The following DEUP1 variants were observed in gnomAD, a reference collection of about 807,000 sequenced individuals.
DEUP1 encodes deuterosome assembly protein 1, also known as coiled-coil domain containing 67.
Under a neutral mutation model 87.4 loss-of-function variants are expected in DEUP1, and 82 were observed. The ratio of observed to expected loss-of-function variants is 0.94; its 90% CI spans 0.78 to 1.13. DEUP1 has a LOEUF of 1.13. Ranked by LOEUF, DEUP1 falls within the 50% of genes most tolerant of loss-of-function variation. The pLI is 0.00. For missense variants in DEUP1, 663 were observed against 681.5 expected, an observed-to-expected ratio of 0.97 and a Z score of 0.30; for synonymous variants, 214 against 222.7, an observed-to-expected ratio of 0.96 and a Z score of 0.35.
chr11:93,343,760 C>T (rs943160913), intron 2 of DEUP1, among the ~76,000 whole-genome samples: 4 of 152,244 alleles, frequency 2.6e-5, no homozygotes, highest in African/African-American at 4.8e-5. Context: ...GAGGCTATGG[C>T]GTTGTACTTT....
At chr11:93,350,364 G>A (rs1944566257) in intron 2 of DEUP1, among the ~76,000 whole-genome samples, 1 of 152,014 alleles carries the variant, frequency 6.6e-6, no homozygotes. Context: ...TGGTCTCAGT[G>A]GAATCATTGA....
intron 2 of DEUP1, among the ~76,000 whole-genome samples, chr11:93,346,972 A>C (rs1944379822): frequency 6.6e-6 from 1 of 152,106 alleles, no homozygotes; most frequent in Non-Finnish European, 1.5e-5. Context: ...TAGATATAGG[A>C]TCATGTCATC....
chr11:93,357,142 T>A, intron 4 of DEUP1, 99 bp downstream of exon 4: 4 of 702,104 alleles, frequency 5.7e-6, no homozygotes, highest in Non-Finnish European at 9.4e-6. Flanking sequence ...TATAAACAAA[T>A]GTCTTGTATT....
At chr11:93,356,020 A>G (rs889261783) in intron 3 of DEUP1, among the ~76,000 whole-genome samples, 1 of 152,176 alleles carries the variant, frequency 6.6e-6, no homozygotes, top group Non-Finnish European at 1.5e-5. Context: ...CACCCACTTA[A>G]GAGGAGTTCC....
intron 10 of DEUP1, among the ~76,000 whole-genome samples, chr11:93,395,912 CT>C (rs1257438520): frequency 2.6e-5 from 4 of 152,128 alleles, no homozygotes; most frequent in African/African-American, 9.7e-5. Flanking sequence ...CTCAAACATG[CT>C]TTTAACATGT....
At chr11:93,433,422 A>G (rs1198621510) in intron 13 of DEUP1, among the ~76,000 whole-genome samples, 2 of 152,140 alleles carry the variant, frequency 1.3e-5, no homozygotes, top group African/African-American at 4.8e-5. Context: ...AGGAGGCTGA[A>G]GTGGGAGGAT....
intron 4 of DEUP1, among the ~76,000 whole-genome samples, chr11:93,358,716 G>A (rs11020280): frequency 0.23 from 35,425 of 151,980 alleles, 4,533 homozygotes; most frequent in South Asian, 0.38. Context: ...CCAAATAGCT[G>A]GGATTACAGG....
At chr11:93,400,436 T>C (rs1165152100) in intron 11 of DEUP1, among the ~76,000 whole-genome samples, 1 of 143,706 alleles carries the variant, frequency 7.0e-6, no homozygotes, top group Non-Finnish European at 1.6e-5. Flanking sequence ...GTCTTCTTCC[T>C]GTGCTTCTTC....
At chr11:93,332,165 G>A in intron 1 of DEUP1, 51 bp from the exon 2 acceptor site, 1 of 1,254,846 alleles carries the variant, frequency 8.0e-7, no homozygotes, top group East Asian at 2.6e-5. Context: ...ATGTTTTATA[G>A]GTTAAAGAAT....
In DEUP1 at chr11:93,332,246, A is replaced by G; in HGVS notation, c.-14A>G. 1 of 1,605,524 alleles carries G rather than the reference A, an allele frequency of 6.2e-7. No homozygotes were observed. Among genetic ancestry groups the G allele is most frequent in the Non-Finnish European group, 8.5e-7 (1 of 1,174,756 alleles). Reference sequence around the variant, plus strand: ...AAATCAAGAAATATAAACCAGATGTAGCAGTTTCTTGACATGGAGAACCAA... The same window carrying G: ...AAATCAAGAAATATAAACCAGATGTGGCAGTTTCTTGACATGGAGAACCAA... On this transcript the variant is annotated 5_prime_UTR_variant, in exon 2 of 14. An upstream open reading frame in the 5' UTR loses its in-frame stop. Coordinates refer to ENST00000298050, the MANE Select transcript of DEUP1 (RefSeq NM_181645.4).
intron 8 of DEUP1, 94 bp downstream of exon 8, chr11:93,385,637 G>C (rs1946507986): frequency 9.5e-6 from 9 of 951,078 alleles, no homozygotes; most frequent in Admixed American, 3.2e-5. Context: ...AGAATATAAA[G>C]TCTATTTTGT....
intron 2 of DEUP1, among the ~76,000 whole-genome samples, chr11:93,342,065 C>T (rs538345856): frequency 4.6e-5 from 7 of 152,290 alleles, no homozygotes; most frequent in African/African-American, 1.2e-4. Context: ...TCTTAACTTA[C>T]GTGAACCTCT....
At chr11:93,374,206 G>A (rs982518669) in intron 7 of DEUP1, among the ~76,000 whole-genome samples, 9 of 152,120 alleles carry the variant, frequency 5.9e-5, no homozygotes, top group African/African-American at 2.2e-4. Context: ...TGCATAGTTT[G>A]TGAAGATTTT....
At chr11:93,401,803 C>T (rs1022266403) in intron 11 of DEUP1, among the ~76,000 whole-genome samples, 3 of 151,760 alleles carry the variant, frequency 2.0e-5, no homozygotes, top group South Asian at 4.1e-4. Context: ...CTGGTAATTA[C>T]GTGTAGAAGA....
chr11:93,339,755 A>G (rs1447249168), intron 2 of DEUP1, among the ~76,000 whole-genome samples: 1 of 152,150 alleles, frequency 6.6e-6, no homozygotes, highest in African/African-American at 2.4e-5. Flanking sequence ...AGGAAAGAGT[A>G]ATGAGGCATC....
chr11:93,437,750 C>G lies in DEUP1; in HGVS notation c.*31C>G, dbSNP rs758776348. 5.7e-6 allele frequency: 6 copies of G among 1,044,802 alleles called. No individual in the cohort carries two copies. The highest frequency in any genetic ancestry group is 4.5e-5 in the Admixed American group (2 of 44,022). The allele number at this position is 1,044,802 out of a possible 1,614,324, so 64.7% of individuals were successfully genotyped here. The stretch of plus-strand genomic sequence containing the variant: ...TAAACTTTTTTATTTGCTTCCCCCC[C>G]CCACCCCCGCCAAGAAAAAAAGCTC... On this transcript the variant is annotated 3_prime_UTR_variant, in exon 14 of 14. Coordinates refer to ENST00000298050, the MANE Select transcript of DEUP1 (RefSeq NM_181645.4).
At chr11:93,437,452 A>G in intron 13 of DEUP1, 91 bp from the exon 14 acceptor site, 1 of 932,032 alleles carries the variant, frequency 1.1e-6, no homozygotes, top group Non-Finnish European at 1.6e-6. Context: ...GCGGTGTTTG[A>G]CAGTATGTCA....
In DEUP1 at chr11:93,389,106, A is replaced by C; in HGVS notation, c.1022A>C (p.His341Pro). 4 of 1,590,720 alleles carry C rather than the reference A, an allele frequency of 2.5e-6. No individual in the cohort carries two copies. Among genetic ancestry groups the C allele is most frequent in the Non-Finnish European group, 3.4e-6 (4 of 1,165,892 alleles). The change falls in exon 9 of 14, where the codon CAT becomes CCT. Residue 341 changes from histidine to proline, a missense_variant. Transcript: ENST00000298050. The part of the protein sequence containing the change: ...LFSVMQDQPN[H>P]EKELNKIRSQ... ...TCAGTGATGCAAGATCAACCAAATC[A>C]TGAAAAAGAATTGAACAAGGTATGA...
chr11:93,415,493 T>A (rs1947587084), intron 13 of DEUP1, among the ~76,000 whole-genome samples: 1 of 151,990 alleles, frequency 6.6e-6, no homozygotes, highest in Non-Finnish European at 1.5e-5. Flanking sequence ...TTCTATTGAC[T>A]CTGCCGTAAG....
Sources: gnomAD v4.1 joint callset for allele counts (sites outside exome capture counted in the v4.1 genomes callset) on GRCh38, gnomAD v4.1.1 for gene constraint, MANE v1.5 for transcripts, NCBI Gene and HGNC (gene_info 2026-07-23, HGNC 2026-07-21) for gene names.